SAP30BP: variants seen among roughly 807,000 people sequenced by gnomAD.
SAP30BP encodes the protein SAP30 binding protein, also known as SAP30-binding protein.
SAP30BP carries 31 observed loss-of-function variants against 46.3 expected under a neutral mutation model. The observed-to-expected ratio is 0.67, with a 90% confidence interval of 0.50 to 0.90. SAP30BP has a LOEUF of 0.90. Ranked by LOEUF, SAP30BP falls within the 40% of genes least tolerant of loss-of-function variation. The pLI is 0.00. For missense variants in SAP30BP, 312 were observed against 391.0 expected (o/e 0.80, Z 1.70); for synonymous variants, 169 against 144.2 (o/e 1.17, Z -1.23).
chr17:75,678,680 A>G (rs1020481845), intron 3 of SAP30BP, among the ~76,000 whole-genome samples: 1 of 152,154 alleles, frequency 6.6e-6, no homozygotes, highest in South Asian at 2.1e-4. Context: ...GGAAGAGCAG[A>G]TTCCATGTTT....
chr17:75,703,722 C>A, intron 7 of SAP30BP, 86 bp from the exon 8 acceptor site: 1 of 1,250,650 alleles, frequency 8.0e-7, no homozygotes, highest in Non-Finnish European at 1.2e-6. Context: ...GGACCCCAGA[C>A]CAAGAAGCTC....
At position 75,706,894 on chromosome 17, in the gene SAP30BP, T is replaced by G; in HGVS notation, c.*373T>G. 1 of 243,066 alleles carries G rather than the reference T, an allele frequency of 4.1e-6. No individual in the cohort carries two copies. The allele number at this position is 243,066 out of a possible 1,614,324, so 15.1% of individuals were successfully genotyped here. On this transcript the variant is annotated 3_prime_UTR_variant, in exon 11 of 11. Coordinates refer to ENST00000584667, the MANE Select transcript of SAP30BP (RefSeq NM_013260.8). This position sits in a 1 kb window ranked among gnomAD's most constrained non-coding sequence, Gnocchi z 4.6. ...GGTTGACAACAGGGTGATGGAGGCC[T>G]GGGACGCTGTTCAGAGGGGTGACCC...
intron 5 of SAP30BP, chr17:75,700,396 T>TA (rs2060389973): frequency 6.6e-6 from 1 of 152,332 alleles, no homozygotes. Context: ...TTTGTGCAGT[T>TA]ACACTCCCTG....
chr17:75,689,531 C>T (rs1439681543), intron 3 of SAP30BP, among the ~76,000 whole-genome samples: 1 of 152,182 alleles, frequency 6.6e-6, no homozygotes, highest in Non-Finnish European at 1.5e-5. Flanking sequence ...AAGCCCTCAG[C>T]CTGTTCTGGC....
At chr17:75,685,833 G>A (rs977289596) in intron 3 of SAP30BP, among the ~76,000 whole-genome samples, 19 of 152,062 alleles carry the variant, frequency 1.2e-4, no homozygotes, top group Admixed American at 5.9e-4. Flanking sequence ...GCAAACTCTG[G>A]ACCTAGATAC....
chr17:75,705,113 T>C, intron 9 of SAP30BP: 1 of 394,288 alleles, frequency 2.5e-6, no homozygotes, highest in South Asian at 2.3e-5. Context: ...CTTTGTAGCC[T>C]GAAGGGAGGG....
chr17:75,686,627 G>C (rs2060161420), intron 3 of SAP30BP, among the ~76,000 whole-genome samples: 1 of 152,160 alleles, frequency 6.6e-6, no homozygotes, highest in South Asian at 2.1e-4. Context: ...GTCCCAGAGG[G>C]CCCCACCAAC....
At chr17:75,703,560 G>A in intron 7 of SAP30BP, 189 bp downstream of exon 7, 1 of 638,894 alleles carries the variant, frequency 1.6e-6, no homozygotes, top group Non-Finnish European at 2.8e-6. Context: ...CCGGTGGCCG[G>A]CCTGGTGCCT....
chr17:75,684,307 C>T (rs746781512), intron 3 of SAP30BP, among the ~76,000 whole-genome samples: 6 of 152,116 alleles, frequency 3.9e-5, no homozygotes, highest in Non-Finnish European at 7.4e-5. Flanking sequence ...GTGGGTTCTA[C>T]GTTTAGGGTG....
At chr17:75,693,394 T>G in intron 3 of SAP30BP, 46 bp from the exon 4 acceptor site, 1 of 1,548,226 alleles carries the variant, frequency 6.5e-7, no homozygotes, top group Non-Finnish European at 8.9e-7. Context: ...AGTAGCTGGT[T>G]CAGGAGCCCC....
chr17:75,674,233 A>G (rs1318196203), intron 3 of SAP30BP, among the ~76,000 whole-genome samples: 2 of 152,098 alleles, frequency 1.3e-5, no homozygotes, highest in African/African-American at 4.8e-5. Flanking sequence ...TCTCTTCCAC[A>G]TAGCAACATG....
intron 3 of SAP30BP, chr17:75,692,406 C>T (rs941428705): frequency 5.1e-6 from 5 of 985,344 alleles, no homozygotes; most frequent in Non-Finnish European, 6.0e-6. Flanking sequence ...ACATGGCGTC[C>T]AGCAACTTTC....
In SAP30BP at chr17:75,702,579, TCCCTTGAGC is replaced by T. The variant is rs2060429891; in HGVS notation, c.488+10_488+18del. On this transcript the variant is annotated intron_variant, in intron 6 of 10. Coordinates refer to ENST00000584667, the MANE Select transcript of SAP30BP (RefSeq NM_013260.8). Reference sequence around the variant, plus strand: ...AGAATTTCGGAACCCTAGGTAAGTTTCCCTTGAGCCTGCAGAGTTTATTGAGTTATTAAT... The same window carrying T: ...AGAATTTCGGAACCCTAGGTAAGTTTCTGCAGAGTTTATTGAGTTATTAAT... The T allele has an allele frequency of 7.3e-7, 1 of 1,365,860 alleles. No homozygotes were observed. The highest frequency in any genetic ancestry group is 1.7e-5 in the Admixed American group (1 of 58,548). 84.6% of individuals were successfully genotyped at this position (1,365,860 alleles called of 1,614,324 possible). A position where few individuals can be genotyped will look rare whatever the true frequency, so the allele number is the denominator to read the frequency against.
chr17:75,687,917 G>GGGGC lies in SAP30BP; in HGVS notation c.265-5522_265-5521insGGCG, dbSNP rs557349211. Among the ~76,000 whole-genome samples the GGGGC allele has an allele frequency of 4.1e-3, 493 of 120,364 alleles. 2 individuals carry two copies. The highest frequency in any genetic ancestry group is 0.014 in the African/African-American group (447 of 32,984). 79.0% of individuals were successfully genotyped at this position (120,364 alleles called of 152,430 possible). A position where few individuals can be genotyped will look rare whatever the true frequency, so the allele number is the denominator to read the frequency against. ...CAGAAGACAAACTGACAGTGTTTGG[G>GGGGC]GTGTGTGTGTGTGTGTGTGTGTGTG... On this transcript the variant is annotated intron_variant, in intron 3 of 10. Transcript: ENST00000584667.
At chr17:75,687,010 A>G (rs2060166749) in intron 3 of SAP30BP, among the ~76,000 whole-genome samples, 1 of 152,160 alleles carries the variant, frequency 6.6e-6, no homozygotes, top group Non-Finnish European at 1.5e-5. Context: ...TTTGACTATT[A>G]CTTTGATGCC....
intron 5 of SAP30BP, 39 bp from the exon 6 acceptor site, chr17:75,702,441 T>C (rs1568322955): frequency 1.1e-6 from 1 of 894,136 alleles, no homozygotes; most frequent in Non-Finnish European, 1.8e-6. Flanking sequence ...GGTGGGCTTC[T>C]GTCATACACC....
chr17:75,667,781 C>T (rs980504987), intron 1 of SAP30BP, among the ~76,000 whole-genome samples: 1 of 152,168 alleles, frequency 6.6e-6, no homozygotes, highest in African/African-American at 2.4e-5. Context: ...CCCCTGGGCT[C>T]GTTGTTTGAT....
intron 3 of SAP30BP, chr17:75,684,603 T>A (rs1365888737): frequency 2.6e-5 from 4 of 152,242 alleles, no homozygotes; most frequent in African/African-American, 9.7e-5. Flanking sequence ...TTCCCTGCGC[T>A]CAACACGATG....
chr17:75,675,637 G>A (rs1412990171), intron 3 of SAP30BP, among the ~76,000 whole-genome samples: 3 of 152,092 alleles, frequency 2.0e-5, no homozygotes, highest in African/African-American at 4.8e-5. Flanking sequence ...AACCTGATCC[G>A]GCCACAGTGA....
Sources: allele counts gnomAD v4.1 joint callset (sites outside exome capture counted in the v4.1 genomes callset), GRCh38; gene constraint gnomAD v4.1.1; non-coding constraint Gnocchi (gnomAD v3.1); transcripts MANE v1.5; gene names NCBI Gene and HGNC (gene_info 2026-07-23, HGNC 2026-07-21).